Variants in ZDHHC14 observed in about 807,000 individuals in gnomAD.
ZDHHC14 encodes the protein palmitoyltransferase ZDHHC14.
Under a neutral mutation model 47.7 loss-of-function variants are expected in ZDHHC14, and 16 were observed. The observed-to-expected ratio is 0.34, with a 90% CI of 0.23 to 0.51. The LOEUF is 0.51. Ranked by LOEUF, ZDHHC14 falls within the 20% of genes least tolerant of loss-of-function variation. The pLI is 0.97. For synonymous variants in ZDHHC14, 293 were observed against 278.9 expected (o/e 1.05, Z -0.50); for missense variants, 515 against 662.5 (o/e 0.78, Z 2.44).
intron 3 of ZDHHC14, among the ~76,000 whole-genome samples, chr6:157,624,005 C>A (rs1785300892): frequency 6.6e-6 from 1 of 152,214 alleles, no homozygotes; most frequent in Non-Finnish European, 1.5e-5. Flanking sequence ...TAACCCTACC[C>A]TGGCACACAG....
intron 1 of ZDHHC14, among the ~76,000 whole-genome samples, chr6:157,526,398 G>C (rs1039134112): frequency 1.2e-4 from 18 of 152,112 alleles, no homozygotes; most frequent in African/African-American, 3.9e-4. Context: ...ACAACACCAC[G>C]ACCCTCTTCT....
chr6:157,553,638 G>C (rs1782336893), intron 2 of ZDHHC14, among the ~76,000 whole-genome samples: 1 of 151,850 alleles, frequency 6.6e-6, no homozygotes, highest in Non-Finnish European at 1.5e-5. Context: ...CTGGGGGGTG[G>C]GAGAGGGCTG....
intron 1 of ZDHHC14, among the ~76,000 whole-genome samples, chr6:157,492,737 G>GCCGGGAGGGGAAGA (rs1406973045): frequency 6.6e-6 from 1 of 152,200 alleles, no homozygotes; most frequent in African/African-American, 2.4e-5. Flanking sequence ...GGTGCTGAGA[G>GCCGGGAGGGGAAGA]CCGGGAGGGG....
At chr6:157,477,771 A>G (rs900560986) in intron 1 of ZDHHC14, among the ~76,000 whole-genome samples, 2 of 152,206 alleles carry the variant, frequency 1.3e-5, no homozygotes, top group East Asian at 3.8e-4. Context: ...TACAGCCACA[A>G]TATTTATTTA....
chr6:157,615,580 G>T (rs1784932849), intron 3 of ZDHHC14, among the ~76,000 whole-genome samples: 1 of 152,202 alleles, frequency 6.6e-6, no homozygotes, highest in South Asian at 2.1e-4. Flanking sequence ...TATCCGACTT[G>T]CTGAGGCCCA....
chr6:157,562,881 G>A (rs35949230), intron 2 of ZDHHC14, among the ~76,000 whole-genome samples: 8,694 of 142,758 alleles, frequency 0.061, 280 homozygotes, highest in Middle Eastern at 0.11. Context: ...GCCTCCCACC[G>A]CCCCCCAAGC....
chr6:157,529,631 C>T (rs1369513424), intron 1 of ZDHHC14, among the ~76,000 whole-genome samples: 2 of 152,200 alleles, frequency 1.3e-5, no homozygotes, highest in East Asian at 1.9e-4. Flanking sequence ...TGTCTTCTCC[C>T]CAGACTGGAC....
intron 2 of ZDHHC14, among the ~76,000 whole-genome samples, chr6:157,569,524 T>A (rs1783023452): frequency 1.3e-5 from 2 of 152,168 alleles, no homozygotes; most frequent in African/African-American, 4.8e-5. Flanking sequence ...CCCCTTATTA[T>A]TTTACTTTTG....
intron 8 of ZDHHC14, among the ~76,000 whole-genome samples, chr6:157,672,341 TA>T (rs907151806): frequency 6.6e-6 from 1 of 152,196 alleles, no homozygotes; most frequent in Admixed American, 6.5e-5. Context: ...CAATGTGGTT[TA>T]AAAAATGGTT....
intron 2 of ZDHHC14, among the ~76,000 whole-genome samples, chr6:157,583,170 A>G (rs139965497): frequency 0.017 from 2,549 of 152,072 alleles, 62 homozygotes; most frequent in African/African-American, 0.059. Context: ...ACTTTCTCCT[A>G]AATCTCAATC....
At chr6:157,554,570 G>A (rs545459367) in intron 2 of ZDHHC14, among the ~76,000 whole-genome samples, 1 of 152,296 alleles carries the variant, frequency 6.6e-6, no homozygotes, top group African/African-American at 2.4e-5. Flanking sequence ...CCAGAGCTCT[G>A]TAGAATAGGC....
intron 1 of ZDHHC14, among the ~76,000 whole-genome samples, chr6:157,494,710 G>T (rs1457647588): frequency 6.6e-6 from 1 of 152,146 alleles, no homozygotes; most frequent in African/African-American, 2.4e-5. Context: ...AGCTTACAAG[G>T]AAATAAGTTT....
chr6:157,672,843 C>T lies in ZDHHC14; in HGVS notation c.1188C>T (p.Gly396=), dbSNP rs1778863170. ...SDELHLPGKP[G]LGTPCASLTL... is the part of the protein sequence containing the mutation. ...AGCTGCACCTGCCCGGGAAGCCTGG[C>T]CTGGGCACGCCCTGCGCCAGCCTCA... Residue 396 remains glycine, a synonymous_variant, in exon 9 of 9, where the codon GGC becomes GGT. Coordinates refer to ENST00000359775, the MANE Select transcript of ZDHHC14 (RefSeq NM_024630.3). The T allele has an allele frequency of 1.2e-6, 2 of 1,610,904 alleles. No homozygotes were observed. The highest frequency in any genetic ancestry group is 2.2e-5 in the East Asian group (1 of 44,796).
chr6:157,545,191 G>C (rs558256834), intron 2 of ZDHHC14, among the ~76,000 whole-genome samples: 2 of 152,328 alleles, frequency 1.3e-5, no homozygotes, highest in African/African-American at 4.8e-5. Context: ...ATTTCCTGGG[G>C]CTGGGAGGGT....
intron 1 of ZDHHC14, among the ~76,000 whole-genome samples, chr6:157,526,374 C>G (rs1781151523): frequency 6.6e-6 from 1 of 152,102 alleles, no homozygotes; most frequent in Admixed American, 6.5e-5. Flanking sequence ...ACTCCCAGTG[C>G]CTGAGGCCTT....
At chr6:157,500,229 G>A (rs1200328581) in intron 1 of ZDHHC14, among the ~76,000 whole-genome samples, 1 of 152,148 alleles carries the variant, frequency 6.6e-6, no homozygotes, top group Non-Finnish European at 1.5e-5. Flanking sequence ...AGGCCCTGAG[G>A]TGGGGATGAA....
intron 8 of ZDHHC14, among the ~76,000 whole-genome samples, chr6:157,656,460 G>A (rs1158386491): frequency 1.3e-5 from 2 of 151,794 alleles, no homozygotes; most frequent in South Asian, 2.1e-4. Flanking sequence ...TCAGCTTCCC[G>A]AGTAGATGGG....
At chr6:157,638,386 G>A (rs1014773366) in intron 5 of ZDHHC14, among the ~76,000 whole-genome samples, 1 of 152,208 alleles carries the variant, frequency 6.6e-6, no homozygotes, top group African/African-American at 2.4e-5. Context: ...GAGAAGCAGA[G>A]GCAGTGGGGA....
chr6:157,402,909 A>G (rs1286299995), intron 1 of ZDHHC14, among the ~76,000 whole-genome samples: 3 of 152,026 alleles, frequency 2.0e-5, no homozygotes. Flanking sequence ...AAATTTTTTT[A>G]TTTTTAGTAT....
Sources: gnomAD v4.1 joint callset for allele counts (sites outside exome capture counted in the v4.1 genomes callset) on GRCh38, gnomAD v4.1.1 for gene constraint, MANE v1.5 for transcripts, NCBI Gene and HGNC (gene_info 2026-07-23, HGNC 2026-07-21) for gene names.